SLIT2: variants seen among roughly 807,000 people sequenced by gnomAD.
SLIT2 encodes the protein slit guidance ligand 2.
In SLIT2, 41 loss-of-function variants were observed where a neutral mutation model predicts 185.7. The ratio of observed to expected loss-of-function variants is 0.22; its 90% CI spans 0.17 to 0.29. The LOEUF is 0.29. Among genes scored for constraint, SLIT2 ranks in the 10% least tolerant of loss-of-function variants. SLIT2 has a pLI of 1.00. For missense variants in SLIT2, 1,571 were observed against 1,909.0 expected (o/e 0.82, Z 3.30); for synonymous variants, 693 against 680.2 (o/e 1.02, Z -0.29).
intron 4 of SLIT2, among the ~76,000 whole-genome samples, chr4:20,463,125 A>C (rs1348866671): frequency 6.6e-6 from 1 of 152,110 alleles, no homozygotes; most frequent in African/African-American, 2.4e-5. Context: ...TCCCATGACT[A>C]ATAAATGGTA....
At chr4:20,571,994 C>T (rs766220594) in intron 29 of SLIT2, among the ~76,000 whole-genome samples, 12 of 152,208 alleles carry the variant, frequency 7.9e-5, no homozygotes, top group East Asian at 1.9e-4. Context: ...GACTACAAAA[C>T]GTGACTAGAA....
intron 32 of SLIT2, among the ~76,000 whole-genome samples, chr4:20,597,426 A>G (rs1577997484): frequency 6.6e-6 from 1 of 152,120 alleles, no homozygotes; most frequent in East Asian, 1.9e-4. Context: ...AAATTAACAA[A>G]CTCAAATTTT....
At chr4:20,503,303 T>C (rs1341191474) in intron 9 of SLIT2, among the ~76,000 whole-genome samples, 1 of 152,244 alleles carries the variant, frequency 6.6e-6, no homozygotes, top group East Asian at 1.9e-4. Context: ...TGTCTGCTTA[T>C]TGAATAATAC....
chr4:20,586,705 T>C (rs1404722691), intron 29 of SLIT2, among the ~76,000 whole-genome samples: 2 of 152,188 alleles, frequency 1.3e-5, no homozygotes, highest in East Asian at 3.9e-4. Flanking sequence ...TGTCATAAGA[T>C]AGGCATAGTC....
At chr4:20,321,859 T>G (rs1719119061) in intron 4 of SLIT2, among the ~76,000 whole-genome samples, 1 of 151,996 alleles carries the variant, frequency 6.6e-6, no homozygotes, top group Non-Finnish European at 1.5e-5. Context: ...AGTGGCTTGA[T>G]CCATCTGAAG....
intron 4 of SLIT2, among the ~76,000 whole-genome samples, chr4:20,294,641 G>T (rs191971235): frequency 7.9e-5 from 12 of 152,248 alleles, no homozygotes; most frequent in African/African-American, 2.9e-4. Flanking sequence ...ACTTTTACGA[G>T]AAGTTATATA....
chr4:20,433,564 C>T lies in SLIT2; in HGVS notation c.396-34188C>T, dbSNP rs368886796. On this transcript the variant is annotated intron_variant, in intron 4 of 36. Coordinates refer to ENST00000504154, the MANE Select transcript of SLIT2 (RefSeq NM_004787.4). ...ATGTTATTTTCCTTCTGTAAATATA[C>T]GAAGCTATTTTTTGCCATTGTATCC... Among the ~76,000 whole-genome samples the T allele has an allele frequency of 2.5e-4, 38 of 152,136 alleles. No individual in the cohort carries two copies. In the South Asian group the frequency reaches 5.8e-3, roughly 23 times the overall value.
chr4:20,271,486 ATATAT>A (rs1713603393), intron 4 of SLIT2, among the ~76,000 whole-genome samples: 1 of 134,054 alleles, frequency 7.5e-6, no homozygotes, highest in Non-Finnish European at 1.7e-5. Flanking sequence ...ATTTATATTT[ATATAT>A]TATATATATA....
intron 5 of SLIT2, among the ~76,000 whole-genome samples, chr4:20,480,188 A>G (rs1716548117): frequency 6.6e-6 from 1 of 152,206 alleles, no homozygotes; most frequent in Admixed American, 6.6e-5. Flanking sequence ...ATGGGACATC[A>G]GTTCCCTTTC....
At position 20,254,583 on chromosome 4, in the gene SLIT2, A is replaced by T. The variant is rs141886468; in HGVS notation, c.179+589A>T. On this transcript the variant is annotated intron_variant, in intron 1 of 36. Transcript: ENST00000504154. The surrounding 1 kb of genome is among the most constrained non-coding windows in gnomAD (Gnocchi z 5.1). ...GTGCCCCAGGACGGCGACACCTCGC[A>T]TAGTAGCCTCGCGCAGCCCCCCGCC... Among the ~76,000 whole-genome samples, 360 of 152,232 alleles carry T rather than the reference A, an allele frequency of 2.4e-3. 3 individuals are homozygous for T. Among genetic ancestry groups the T allele is most frequent in the African/African-American group, 8.4e-3 (349 of 41,558 alleles).
intron 4 of SLIT2, among the ~76,000 whole-genome samples, chr4:20,456,483 C>T (rs780117008): frequency 4.6e-5 from 7 of 152,114 alleles, no homozygotes; most frequent in African/African-American, 7.2e-5. Context: ...CATGCCACCT[C>T]ACTCTTGTTA....
chr4:20,618,917 C>G lies in SLIT2; in HGVS notation c.4498C>G (p.Arg1500Gly). Residue 1500 changes from arginine to glycine, a missense_variant, in exon 37 of 37, where the codon CGG (arginine) becomes GGG (glycine). Transcript: ENST00000504154. ...QCCGPLRSKR[R>G]KYSFECTDGS... ...CTGTGGACCGCTGAGGAGCAAGCGGCGGAAATACTCTTTCGAATGCACTGA... is the reference window on the plus strand; with the variant it reads ...CTGTGGACCGCTGAGGAGCAAGCGGGGGAAATACTCTTTCGAATGCACTGA... 1 of 1,614,004 alleles carries G rather than the reference C, an allele frequency of 6.2e-7. No individual in the cohort carries two copies. The highest frequency in any genetic ancestry group is 8.5e-7 in the Non-Finnish European group (1 of 1,179,988).
intron 11 of SLIT2, among the ~76,000 whole-genome samples, chr4:20,511,593 T>TTTTTTTTTTTTA (rs560002264): frequency 0.075 from 10,005 of 134,144 alleles, 527 homozygotes; most frequent in Non-Finnish European, 0.11. Flanking sequence ...GCTAATTTTT[T>TTTTTTTTTTTTA]TTTTTTTTTT....
At chr4:20,588,638 T>C (rs946515710) in intron 29 of SLIT2, among the ~76,000 whole-genome samples, 2 of 152,218 alleles carry the variant, frequency 1.3e-5, no homozygotes, top group African/African-American at 4.8e-5. Flanking sequence ...TGTATATGAA[T>C]ACCTTTCCAG....
chr4:20,603,778 G>T (rs894071735), intron 33 of SLIT2, among the ~76,000 whole-genome samples: 1 of 152,074 alleles, frequency 6.6e-6, no homozygotes, highest in African/African-American at 2.4e-5. Flanking sequence ...GCAATTTACA[G>T]GCTTACATTT....
chr4:20,376,817 G>C (rs1401810932), intron 4 of SLIT2, among the ~76,000 whole-genome samples: 1 of 151,964 alleles, frequency 6.6e-6, no homozygotes, highest in African/African-American at 2.4e-5. Context: ...GGTGGGAATT[G>C]AACAATGAGA....
At chr4:20,539,409 T>C in intron 18 of SLIT2, 32 bp from the exon 19 acceptor site, 1 of 1,593,874 alleles carries the variant, frequency 6.3e-7, no homozygotes, top group Non-Finnish European at 8.5e-7. Flanking sequence ...TGATGCTTTG[T>C]CTCCATAACA....
At chr4:20,272,025 A>G (rs1260847338) in intron 4 of SLIT2, among the ~76,000 whole-genome samples, 1 of 152,096 alleles carries the variant, frequency 6.6e-6, no homozygotes, top group Non-Finnish European at 1.5e-5. Context: ...GGACGGGTTG[A>G]GAGAGCACTA....
chr4:20,470,941 G>T (rs2148750384), intron 5 of SLIT2, among the ~76,000 whole-genome samples: 1 of 152,248 alleles, frequency 6.6e-6, no homozygotes, highest in East Asian at 1.9e-4. Context: ...GAATATGGGG[G>T]GAGCTGAGTA....
Sources: gnomAD v4.1 joint callset for allele counts (sites outside exome capture counted in the v4.1 genomes callset) on GRCh38, gnomAD v4.1.1 for gene constraint, Gnocchi (gnomAD v3.1) non-coding constraint, MANE v1.5 for transcripts, NCBI Gene and HGNC (gene_info 2026-07-23, HGNC 2026-07-21) for gene names.